CHRNA9: variants seen among roughly 807,000 people sequenced by gnomAD.
The protein encoded by CHRNA9 is neuronal acetylcholine receptor subunit alpha-9.
In CHRNA9, 24 loss-of-function variants were observed where a neutral mutation model predicts 36.8. The ratio of observed to expected loss-of-function variants is 0.65; its 90% CI spans 0.47 to 0.92. The LOEUF (loss-of-function observed/expected upper bound fraction) is 0.92. CHRNA9 is among the 40% of genes least tolerant of loss of function. The pLI is 0.00. For synonymous variants in CHRNA9, 231 were observed against 231.8 expected (o/e 1.00, Z 0.03); for missense variants, 610 against 601.2 (o/e 1.01, Z -0.15).
At chr4:40,338,586 G>C (rs1712393600) in intron 3 of CHRNA9, among the ~76,000 whole-genome samples, 1 of 152,134 alleles carries the variant, frequency 6.6e-6, no homozygotes, top group Non-Finnish European at 1.5e-5. Context: ...GAGGCTTCCA[G>C]TGGGCATGGA....
rs546326083 is a variant in CHRNA9 at position 40,339,728 on chromosome 4, T to A, written c.365+2364T>A. 9.9e-4 allele frequency among the ~76,000 whole-genome samples: 150 copies of A among 150,808 alleles called. No individual in the cohort carries two copies. In the South Asian group the frequency reaches 0.01, roughly 10 times the overall value. ...CCCACGCTAGAGTGCAGTGGTGTGA[T>A]CATGGCTCACTACAGCCTCAACTTC... On this transcript the variant is annotated intron_variant, in intron 3 of 4. Coordinates refer to ENST00000310169, the MANE Select transcript of CHRNA9 (RefSeq NM_017581.4).
rs1027487616 is a variant in CHRNA9, at chr4:40,346,168, G to A, written c.366-2714G>A. On this transcript the variant is annotated intron_variant, in intron 3 of 4. Transcript: ENST00000310169. ...GTGGAGCACCAGTGGGCAATTGCAG[G>A]GAAAAGAGAGAGTGAGGTTAGCATG... Among the ~76,000 whole-genome samples, 5 of 152,234 alleles carry A rather than the reference G, an allele frequency of 3.3e-5. No individual in the cohort carries two copies. The South Asian group carries it at 6.2e-4, about 19-fold the overall frequency.
At chr4:40,352,352 G>C (rs917155668) in intron 4 of CHRNA9, among the ~76,000 whole-genome samples, 1 of 152,176 alleles carries the variant, frequency 6.6e-6, no homozygotes, top group African/African-American at 2.4e-5. Flanking sequence ...CTCCTGAGTA[G>C]CTGGGATTAC....
chr4:40,350,072 C>T (rs1455080654), intron 4 of CHRNA9: 1 of 152,172 alleles, frequency 6.6e-6, no homozygotes, highest in African/African-American at 2.4e-5. Context: ...TATCATTTCA[C>T]GTGACAAGGG....
intron 2 of CHRNA9, 92 bp from the exon 3 acceptor site, chr4:40,337,118 G>T (rs1712344948): frequency 2.6e-6 from 3 of 1,169,084 alleles, no homozygotes; most frequent in Admixed American, 4.1e-5. Flanking sequence ...ATGAGTGTTT[G>T]TGAAATTCCT....
chr4:40,338,688 G>A (rs904679412), intron 3 of CHRNA9, among the ~76,000 whole-genome samples: 2 of 149,084 alleles, frequency 1.3e-5, no homozygotes, highest in African/African-American at 5.0e-5. Context: ...ATGAGCTCTG[G>A]AATCATAGCC....
At position 40,349,194 on chromosome 4, in the gene CHRNA9, T is replaced by C; in HGVS notation, c.678T>C (p.Asp226=). The C allele has an allele frequency of 1.9e-6, 3 of 1,614,234 alleles. No individual in the cohort carries two copies. The highest frequency in any genetic ancestry group is 2.5e-6 in the Non-Finnish European group (3 of 1,180,044). Residue 226 remains aspartate (D), a synonymous_variant, in exon 4 of 5, where the codon GAT becomes GAC. Transcript: ENST00000310169. Reference sequence around the variant, plus strand: ...GCTGCTGCTCTGAGCCTTACCCGGATGTCACATTCACCCTCCTTCTGAAGA... The same window carrying C: ...GCTGCTGCTCTGAGCCTTACCCGGACGTCACATTCACCCTCCTTCTGAAGA... ...SYGCCSEPYP[D]VTFTLLLKRR... is the part of the protein sequence containing the mutation.
At position 40,335,843 on chromosome 4, in the gene CHRNA9, T is replaced by G. The variant is rs376206135; in HGVS notation, c.81T>G (p.Asp27Glu). 1.2e-6 allele frequency: 2 copies of G among 1,613,302 alleles called. No homozygotes were observed. The highest frequency in any genetic ancestry group is 1.7e-6 in the Non-Finnish European group (2 of 1,179,454). ...ASRLRAAETA[D>E]GKYAQKLFND... ...GTTGAGTAGCTGCAGAGACGGCAGA[T>G]GGAAAATATGCTCAGAAGTTGTTTA... The change falls in exon 2 of 5, where the codon GAT becomes GAG. Residue 27 changes from aspartate to glutamate, a missense_variant. Coordinates refer to ENST00000310169, the MANE Select transcript of CHRNA9 (RefSeq NM_017581.4).
intron 1 of CHRNA9, 87 bp from the exon 2 acceptor site, chr4:40,335,740 C>A (rs1013187374): frequency 7.4e-7 from 1 of 1,352,916 alleles, no homozygotes; most frequent in Admixed American, 1.8e-5. Flanking sequence ...TTGGGCCATC[C>A]CCCATTTTAG....
intron 3 of CHRNA9, among the ~76,000 whole-genome samples, chr4:40,342,272 T>C (rs1027732915): frequency 3.3e-5 from 5 of 152,102 alleles, no homozygotes; most frequent in Non-Finnish European, 5.9e-5. Context: ...AAAAAGAGGA[T>C]GAATTTGATG....
intron 2 of CHRNA9, 82 bp from the exon 3 acceptor site, chr4:40,337,128 T>C (rs1012486148): frequency 1.5e-5 from 19 of 1,281,816 alleles, no homozygotes; most frequent in African/African-American, 8.8e-5. Context: ...GTGAAATTCC[T>C]ATTGTGAAGA....
At chr4:40,341,616 G>A (rs1028999681) in intron 3 of CHRNA9, among the ~76,000 whole-genome samples, 2 of 152,120 alleles carry the variant, frequency 1.3e-5, no homozygotes, top group Admixed American at 1.3e-4. Flanking sequence ...ACGTCTAGAG[G>A]GTACTTAAAC....
At chr4:40,345,752 C>T (rs895701778) in intron 3 of CHRNA9, among the ~76,000 whole-genome samples, 5 of 149,566 alleles carry the variant, frequency 3.3e-5, no homozygotes, top group East Asian at 2.0e-4. Flanking sequence ...TGGCTGGGCA[C>T]GGTGGCTCAC....
At position 40,348,929 on chromosome 4, in the gene CHRNA9, G is replaced by C. The variant is rs533024809; in HGVS notation, c.413G>C (p.Arg138Pro). The change falls in exon 4 of 5, where the codon CGG (arginine) becomes CCG (proline). Residue 138 changes from arginine to proline, a missense_variant. By Grantham distance (103) the Arg-to-Pro change is moderately radical. Coordinates refer to ENST00000310169, the MANE Select transcript of CHRNA9 (RefSeq NM_017581.4). ...SEPVNTNVVL[R>P]YDGLITWDAP... ...CCTGTGAACACCAATGTGGTCCTGC[G>C]GTATGATGGGCTGATCACCTGGGAT... is the stretch of plus-strand genomic sequence containing the variant. The C allele has an allele frequency of 6.2e-7, 1 of 1,614,086 alleles. No homozygotes were observed. The highest frequency in any genetic ancestry group is 1.7e-5 in the Admixed American group (1 of 60,014).
intron 3 of CHRNA9, among the ~76,000 whole-genome samples, chr4:40,345,518 C>G (rs1054892964): frequency 2.6e-5 from 4 of 151,934 alleles, no homozygotes; most frequent in Admixed American, 2.0e-4. Flanking sequence ...TTGAGATCAG[C>G]CTGGTAAAAA....
intron 2 of CHRNA9, 59 bp downstream of exon 2, chr4:40,336,031 T>C: frequency 7.1e-7 from 1 of 1,417,710 alleles, no homozygotes; most frequent in Admixed American, 1.8e-5. Context: ...ACAACCATGC[T>C]TTCTGAAGAG....
intron 1 of CHRNA9, 83 bp from the exon 2 acceptor site, chr4:40,335,744 A>G (rs1024616069): frequency 7.1e-7 from 1 of 1,401,494 alleles, no homozygotes. Context: ...GCCATCCCCC[A>G]TTTTAGACCT....
At chr4:40,341,183 T>C (rs1187966070) in intron 3 of CHRNA9, among the ~76,000 whole-genome samples, 2 of 152,130 alleles carry the variant, frequency 1.3e-5, no homozygotes, top group Admixed American at 6.5e-5. Flanking sequence ...TATAAGAGGC[T>C]ACAAGGATTC....
At chr4:40,347,833 CG>C (rs1312323717) in intron 3 of CHRNA9, 1 of 152,114 alleles carries the variant, frequency 6.6e-6, no homozygotes, top group Non-Finnish European at 1.5e-5. Flanking sequence ...ATATACTTTT[CG>C]GGGAAAAACT....
Sources: gnomAD v4.1 joint callset for allele counts (sites outside exome capture counted in the v4.1 genomes callset) on GRCh38, gnomAD v4.1.1 for gene constraint, MANE v1.5 for transcripts, NCBI Gene and HGNC (gene_info 2026-07-23, HGNC 2026-07-21) for gene names.